The following AGMO variants were observed in gnomAD, a reference collection of about 807,000 sequenced individuals.
AGMO encodes alkylglycerol monooxygenase.
In AGMO, 75 loss-of-function variants were observed where a neutral mutation model predicts 60.2. The ratio of observed to expected loss-of-function variants is 1.25; its 90% CI spans 1.03 to 1.51. The LOEUF is 1.51. Ranked by LOEUF, AGMO falls within the 40% of genes most tolerant of loss-of-function variation. The probability of loss-of-function intolerance (pLI) is 0.00; values close to 1 mark genes in which losing one functional copy is unlikely to be tolerated. For missense variants in AGMO, 763 were observed against 525.5 expected (o/e 1.45, Z -4.42); for synonymous variants, 261 against 177.1 (o/e 1.47, Z -3.76).
chr7:15,329,085 CCT>C (rs1325996769), intron 12 of AGMO, among the ~76,000 whole-genome samples: 7 of 152,278 alleles, frequency 4.6e-5, no homozygotes, highest in African/African-American at 1.4e-4. Context: ...TATCCTTTCC[CCT>C]CTCTTTGTTG....
intron 5 of AGMO, among the ~76,000 whole-genome samples, chr7:15,409,263 C>A (rs1784779488): frequency 6.6e-6 from 1 of 151,958 alleles, no homozygotes; most frequent in African/African-American, 2.4e-5. Flanking sequence ...AGAATTACAA[C>A]TGATCTTGGC....
chr7:15,550,883 A>C (rs1784935600), intron 2 of AGMO, among the ~76,000 whole-genome samples: 1 of 140,754 alleles, frequency 7.1e-6, no homozygotes, highest in South Asian at 2.5e-4. Context: ...ATTTTAGACC[A>C]ATATCCTTGA....
chr7:15,371,596 C>G (rs1471687197), intron 10 of AGMO, among the ~76,000 whole-genome samples: 1 of 152,084 alleles, frequency 6.6e-6, no homozygotes, highest in Admixed American at 6.6e-5. Context: ...GGGGTTTCAC[C>G]ATGTTGACCA....
intron 12 of AGMO, among the ~76,000 whole-genome samples, chr7:15,350,189 G>A (rs549979502): frequency 3.9e-5 from 6 of 152,200 alleles, no homozygotes; most frequent in African/African-American, 1.4e-4. Flanking sequence ...TTCAAGGATA[G>A]ACCAATCCAG....
At chr7:15,194,542 A>G in the AGMO span, among the ~76,000 whole-genome samples, 1 of 152,158 alleles carries the variant, frequency 6.6e-6, no homozygotes, top group Non-Finnish European at 1.5e-5. Context: ...AGATGCTGAT[A>G]CTTCTTCAGC....
At chr7:15,292,750 CCTTT>C (rs1265782940) in intron 12 of AGMO, among the ~76,000 whole-genome samples, 3 of 123,258 alleles carry the variant, frequency 2.4e-5, no homozygotes, top group African/African-American at 3.7e-5. Context: ...CTTTTTTTTT[CCTTT>C]TTTTTTTTTT....
the AGMO span, among the ~76,000 whole-genome samples, chr7:15,192,652 A>T: frequency 2.0e-5 from 3 of 152,160 alleles, no homozygotes; most frequent in African/African-American, 7.2e-5. Flanking sequence ...TGAGCTGATT[A>T]ACACTTAGCC....
chr7:15,279,151 G>C (rs1431712131), intron 12 of AGMO, among the ~76,000 whole-genome samples: 3 of 152,128 alleles, frequency 2.0e-5, no homozygotes, highest in Admixed American at 6.5e-5. Flanking sequence ...CCCAGGTTTG[G>C]GGGAGGAGGC....
At chr7:15,485,290 C>T (rs1339703241) in intron 3 of AGMO, among the ~76,000 whole-genome samples, 1 of 151,024 alleles carries the variant, frequency 6.6e-6, no homozygotes, top group African/African-American at 2.4e-5. Flanking sequence ...GCACTCCAGG[C>T]TGTGAGACAG....
rs9691247 is a variant in AGMO at position 15,354,410 on chromosome 7, A to G, written c.1263+11104T>C. ...TGTGTGTATACACGTGTGTGTACAC[A>G]CGTGTGTGTATACACACACGTGTGT... On this transcript the variant is annotated intron_variant, in intron 12 of 12. Transcript: ENST00000342526. 5.0e-3 allele frequency among the ~76,000 whole-genome samples: 130 copies of G among 26,016 alleles called. 5 individuals carry two copies. The highest frequency in any genetic ancestry group is 0.029 in the African/African-American group (63 of 2,196). The allele number at this position is 26,016 out of a possible 152,430, so 17.1% of individuals were successfully genotyped here.
Position 15,234,660 on chromosome 7 carries a change from A to AT in AGMO, c.1264-33302dup, listed in dbSNP as rs576960159. On this transcript the variant is annotated intron_variant, in intron 12 of 12. Transcript: ENST00000342526. Reference sequence around the variant, plus strand: ...AAATATTTCAGGCTTAGCAGGCCATATGGTCTTGGTCACAACTACTCAACT... The same window carrying AT: ...AAATATTTCAGGCTTAGCAGGCCATATTGGTCTTGGTCACAACTACTCAACT... Among the ~76,000 whole-genome samples, 64 of 152,358 alleles carry AT rather than the reference A, an allele frequency of 4.2e-4. 1 individual carries two copies. In the South Asian group the frequency reaches 5.6e-3, roughly 13 times the overall value.
In AGMO at chr7:15,313,756, T is replaced by C. The variant is rs964646008; in HGVS notation, c.1263+51758A>G. ...ATATATACTATATTTTTCCTACACATACATGCCTATGATAAAGTTTAATTT... is the reference window on the plus strand; with the variant it reads ...ATATATACTATATTTTTCCTACACACACATGCCTATGATAAAGTTTAATTT... On this transcript the variant is annotated intron_variant, in intron 12 of 12. Transcript: ENST00000342526. Among the ~76,000 whole-genome samples, 7 of 152,126 alleles carry C rather than the reference T, an allele frequency of 4.6e-5. No homozygotes were observed. In the East Asian group the frequency reaches 7.7e-4, roughly 17 times the overall value.
chr7:15,262,979 G>A (rs1267895158), intron 12 of AGMO, among the ~76,000 whole-genome samples: 1 of 152,074 alleles, frequency 6.6e-6, no homozygotes, highest in Admixed American at 6.6e-5. Context: ...AAAGATTCTA[G>A]AAGATAACAT....
rs562579175 is a variant in AGMO at position 15,381,649 on chromosome 7, C to T, written c.1074+3797G>A. 1.3e-4 allele frequency among the ~76,000 whole-genome samples: 20 copies of T among 152,088 alleles called. No homozygotes were observed. The East Asian group carries it at 3.7e-3, about 28-fold the overall frequency. On this transcript the variant is annotated intron_variant, in intron 10 of 12. Coordinates refer to ENST00000342526, the MANE Select transcript of AGMO (RefSeq NM_001004320.2). ...AAAGACAAAGACAGGAATACTATTC[C>T]ACCCAGCAATCCCATTACTAGGTAT...
the AGMO span, among the ~76,000 whole-genome samples, chr7:15,135,963 T>C: frequency 7.0e-6 from 1 of 143,284 alleles, no homozygotes; most frequent in Non-Finnish European, 1.5e-5. Flanking sequence ...ACATTTAATA[T>C]TATATTTTTT....
At chr7:15,295,260 C>CA (rs1423218885) in intron 12 of AGMO, among the ~76,000 whole-genome samples, 1 of 151,440 alleles carries the variant, frequency 6.6e-6, no homozygotes, top group Non-Finnish European at 1.5e-5. Context: ...ATTAATGGAC[C>CA]AAAAAAGCCT....
intron 12 of AGMO, among the ~76,000 whole-genome samples, chr7:15,283,326 G>A (rs1363865923): frequency 6.6e-6 from 1 of 152,006 alleles, no homozygotes; most frequent in Non-Finnish European, 1.5e-5. Flanking sequence ...AATATGTGCT[G>A]TCTTCAAGAG....
chr7:15,266,206 T>G (rs1783427452), intron 12 of AGMO, among the ~76,000 whole-genome samples: 1 of 152,016 alleles, frequency 6.6e-6, no homozygotes, highest in African/African-American at 2.4e-5. Context: ...TAGTTATTGT[T>G]TAATAGGTAT....
rs1447872714 is a variant in AGMO at position 15,319,034 on chromosome 7, C to T, written c.1263+46480G>A. 3.3e-5 allele frequency among the ~76,000 whole-genome samples: 5 copies of T among 152,100 alleles called. No individual in the cohort carries two copies. The East Asian group carries it at 9.6e-4, about 29-fold the overall frequency. On this transcript the variant is annotated intron_variant, in intron 12 of 12. Transcript: ENST00000342526. Reference sequence around the variant, plus strand: ...TATTCTAAAGTTGATTATTGCCAAACTCTTTCATCGGTTTCTTTTTTCCTC... The same window carrying T: ...TATTCTAAAGTTGATTATTGCCAAATTCTTTCATCGGTTTCTTTTTTCCTC...
Sources: gnomAD v4.1 joint callset for allele counts (sites outside exome capture counted in the v4.1 genomes callset) on GRCh38, gnomAD v4.1.1 for gene constraint, MANE v1.5 for transcripts, NCBI Gene and HGNC (gene_info 2026-07-23, HGNC 2026-07-21) for gene names.